DDX11: variants seen among roughly 807,000 people sequenced by gnomAD.
The protein encoded by DDX11 is DEAD/H-box helicase 11, also known as ATP-dependent DNA helicase DDX11.
DDX11 carries 72 observed loss-of-function variants against 125.2 expected under a neutral mutation model. That is an observed-to-expected ratio of 0.58 (90% CI 0.48 to 0.70). The LOEUF is 0.70. DDX11 is among the 30% of genes least tolerant of loss of function. The pLI is 0.00. For missense variants in DDX11, 883 were observed against 1,165.0 expected (o/e 0.76, Z 3.52); for synonymous variants, 347 against 452.6 (o/e 0.77, Z 2.96).
chr12:31,099,082 TTC>T (rs1421620907), intron 18 of DDX11, among the ~76,000 whole-genome samples: 21 of 97,822 alleles, frequency 2.1e-4, no homozygotes, highest in East Asian at 1.7e-3. Flanking sequence ...CTTTCTTTCT[TTC>T]TTTTTTTTTT....
At position 31,099,080 on chromosome 12, in the gene DDX11, C is replaced by CTTTTTTTTTTTT. The variant is rs1467965765; in HGVS notation, c.1875+1086_1875+1087insTTTTTTTTTTTT. ...AATCCATACTGGTATTTCTTTCTTTCTTTCTTTTTTTTTTTTTTTTTTTTT... is the reference window on the plus strand; with the variant it reads ...AATCCATACTGGTATTTCTTTCTTTCTTTTTTTTTTTTTTTCTTTTTTTTTTTTTTTTTTTTT... On this transcript the variant is annotated intron_variant, in intron 18 of 26. Transcript: ENST00000542838. Among the ~76,000 whole-genome samples, 401 of 81,098 alleles carry CTTTTTTTTTTTT rather than the reference C, an allele frequency of 4.9e-3. 34 individuals carry two copies. Among genetic ancestry groups the CTTTTTTTTTTTT allele is most frequent in the Middle Eastern group, 7.2e-3 (1 of 138 alleles). The allele number at this position is 81,098 out of a possible 152,430, so 53.2% of individuals were successfully genotyped here.
chr12:31,103,044 G>A (rs1486336826), intron 24 of DDX11, 24 bp downstream of exon 24: 1 of 1,609,820 alleles, frequency 6.2e-7, no homozygotes, highest in African/African-American at 1.3e-5. Context: ...GTGTCACAGA[G>A]GGTGACAGGA....
At chr12:31,077,540 A>C (rs1337784632) in intron 1 of DDX11, among the ~76,000 whole-genome samples, 1 of 152,018 alleles carries the variant, frequency 6.6e-6, no homozygotes. Context: ...AGCAAACTAA[A>C]GATACTTGTA....
chr12:31,078,560 A>C, intron 2 of DDX11, 23 bp downstream of exon 2: 1 of 1,611,910 alleles, frequency 6.2e-7, no homozygotes, highest in South Asian at 1.1e-5. Context: ...AGTGAGAGAT[A>C]CTGAAAAGGA....
In DDX11 at chr12:31,093,336, G is replaced by T. The variant is rs116263118; in HGVS notation, c.1369+12G>T. ...GGCTGTGCTAGGGGGTGAGAGCCTCGTCCCCCTGCTGACCCCGGGCCTGCA... is the reference window on the plus strand; with the variant it reads ...GGCTGTGCTAGGGGGTGAGAGCCTCTTCCCCCTGCTGACCCCGGGCCTGCA... On this transcript the variant is annotated intron_variant, in intron 12 of 26. Transcript: ENST00000542838. 1.7e-3 allele frequency: 2,794 copies of T among 1,613,772 alleles called. 44 individuals are homozygous for T. In the African/African-American group the frequency reaches 0.032, roughly 19 times the overall value.
At chr12:31,085,308 C>T (rs1314688191) in intron 5 of DDX11, among the ~76,000 whole-genome samples, 182 bp downstream of exon 5, 3 of 152,238 alleles carry the variant, frequency 2.0e-5, no homozygotes, top group Non-Finnish European at 4.4e-5. Flanking sequence ...GGACAGTCAC[C>T]GGCCTGGCCT....
intron 2 of DDX11, among the ~76,000 whole-genome samples, chr12:31,080,391 T>A (rs1158636057): frequency 6.6e-6 from 1 of 152,120 alleles, no homozygotes; most frequent in Non-Finnish European, 1.5e-5. Flanking sequence ...CCTCCAGGGC[T>A]CTCCTAGCTC....
Position 31,101,514 on chromosome 12 carries a change from T to G in DDX11, c.2053-319T>G, listed in dbSNP as rs1946376880. ...GTGCCTGGGGTGTGCAGCCCCTGATTGTCGTTGTGGTGCCCATCAGGACCC... is the reference window on the plus strand; with the variant it reads ...GTGCCTGGGGTGTGCAGCCCCTGATGGTCGTTGTGGTGCCCATCAGGACCC... On this transcript the variant is annotated intron_variant, in intron 20 of 26. Coordinates refer to ENST00000542838, the MANE Select transcript of DDX11 (RefSeq NM_030653.4). The G allele has an allele frequency of 1.0e-5, 5 of 496,182 alleles. No homozygotes were observed. In the Admixed American group the frequency reaches 1.6e-4, roughly 16 times the overall value. 30.7% of individuals were successfully genotyped at this position (496,182 alleles called of 1,614,324 possible).
chr12:31,086,549 G>GCTCCATGAA, intron 5 of DDX11, among the ~76,000 whole-genome samples: 1 of 152,224 alleles, frequency 6.6e-6, no homozygotes, highest in Non-Finnish European at 1.5e-5. Flanking sequence ...AACAGTTTGT[G>GCTCCATGAA]CTCCATGAAC....
In DDX11 at chr12:31,093,186, T is replaced by G. The variant is rs1393539300; in HGVS notation, c.1290-59T>G. ...CCGGGCAGCAAGGCTTCCACTGGGGTGGGCGGGGCGAGTCGCCATCAGGGC... is the reference window on the plus strand; with the variant it reads ...CCGGGCAGCAAGGCTTCCACTGGGGGGGGCGGGGCGAGTCGCCATCAGGGC... On this transcript the variant is annotated intron_variant, in intron 11 of 26. Coordinates refer to ENST00000542838, the MANE Select transcript of DDX11 (RefSeq NM_030653.4). The G allele has an allele frequency of 2.6e-6, 4 of 1,530,094 alleles. No homozygotes were observed. In the African/African-American group the frequency reaches 5.5e-5, roughly 21 times the overall value. The allele number at this position is 1,530,094 out of a possible 1,614,324, so 94.8% of individuals were successfully genotyped here.
rs1046695756 is a variant in DDX11 at position 31,097,929 on chromosome 12, G to A, written c.1807G>A (p.Ala603Thr). 6.2e-7 allele frequency: 1 copy of A among 1,613,690 alleles called. No individual in the cohort carries two copies. Among genetic ancestry groups the A allele is most frequent in the South Asian group, 1.1e-5 (1 of 91,074 alleles). ...CCTGAAGTTTTTGCTCCTGAATCCA[G>A]CTGTGCACTTTGCCCAAGTGGTGAA... The part of the protein sequence containing the change: ...STLKFLLLNP[A>T]VHFAQVVKEC... The change falls in exon 18 of 27, where the codon GCT (alanine) becomes ACT (threonine). Residue 603 changes from alanine to threonine, a missense_variant. Transcript: ENST00000542838.
In DDX11 at chr12:31,085,068, G is replaced by A. The variant is rs376057582; in HGVS notation, c.580G>A (p.Glu194Lys). Residue 194 changes from glutamate to lysine, a missense_variant, in exon 5 of 27, where the codon GAG becomes AAG. Physicochemically the swap from Glu to Lys is moderately conservative, Grantham distance 56. This residue lies in a region of DDX11 where 283 missense variants were observed against 359.6 expected (regional missense o/e 0.79). Transcript: ENST00000542838. Reference sequence around the variant, plus strand: ...GCGGCTGGAGCAGCTGGAGTCTGGGGAGGAGGAGCTGGTCCTCGCCGAATA... The same window carrying A: ...GCGGCTGGAGCAGCTGGAGTCTGGGAAGGAGGAGCTGGTCCTCGCCGAATA... ...AERLEQLESG[E>K]EELVLAEYES... 1 of 1,604,532 alleles carries A rather than the reference G, an allele frequency of 6.2e-7. No homozygotes were observed. The highest frequency in any genetic ancestry group is 8.5e-7 in the Non-Finnish European group (1 of 1,175,198).
Position 31,083,835 on chromosome 12 carries a change from G to C in DDX11, c.167G>C (p.Cys56Ser). 6.2e-7 allele frequency: 1 copy of C among 1,612,160 alleles called. No homozygotes were observed. Among genetic ancestry groups the C allele is most frequent in the Non-Finnish European group, 8.5e-7 (1 of 1,179,842 alleles). ...TGTGKSLSLICGALSWLRDFE... is the reference protein window; with the variant it reads ...TGTGKSLSLISGALSWLRDFE... ...CAGGGGAAGTCCTTAAGTCTTATTT[G>C]TGGGGCCCTCTCTTGGCTCCGTGAC... Residue 56 changes from cysteine to serine, a missense_variant, in exon 3 of 27, where the codon TGT becomes TCT. Physicochemically the swap from Cys to Ser is moderately radical, Grantham distance 112 (BLOSUM62 -1). Transcript: ENST00000542838.
intron 11 of DDX11, 68 bp downstream of exon 11, chr12:31,092,960 C>T (rs559233157): frequency 6.3e-7 from 1 of 1,589,988 alleles, no homozygotes; most frequent in East Asian, 2.2e-5. Flanking sequence ...CTCTGAGAGG[C>T]AGGCAGCACT....
At chr12:31,086,711 T>G (rs1943225502) in intron 5 of DDX11, among the ~76,000 whole-genome samples, 1 of 151,430 alleles carries the variant, frequency 6.6e-6, no homozygotes, top group Non-Finnish European at 1.5e-5. Context: ...CCATGGATCC[T>G]GTAGGTCAGC....
At chr12:31,101,193 C>CA in intron 20 of DDX11, 63 bp downstream of exon 20, 1 of 1,441,348 alleles carries the variant, frequency 6.9e-7, no homozygotes, top group Non-Finnish European at 9.8e-7. Context: ...TTTTCTGGGG[C>CA]AGGGGCGCTC....
Position 31,082,953 on chromosome 12 carries a change from C to T in DDX11, c.145-860C>T, listed in dbSNP as rs540331748. Among the ~76,000 whole-genome samples the T allele has an allele frequency of 1.4e-4, 21 of 152,282 alleles. No homozygotes were observed. In the South Asian group the frequency reaches 4.3e-3, roughly 32 times the overall value. On this transcript the variant is annotated intron_variant, in intron 2 of 26. Coordinates refer to ENST00000542838, the MANE Select transcript of DDX11 (RefSeq NM_030653.4). ...TGTCTGCATCCACGTGTCCCCTTTC[C>T]AATAAGGATATTAGCCCTTTAGGCT... is the stretch of plus-strand genomic sequence containing the variant.
At chr12:31,090,630 A>G (rs1290389340) in intron 9 of DDX11, among the ~76,000 whole-genome samples, 2 of 152,392 alleles carry the variant, frequency 1.3e-5, no homozygotes, top group East Asian at 1.9e-4. Flanking sequence ...CTGCTAATGT[A>G]GCAGATCAAA....
chr12:31,078,679 C>G (rs2140409787), intron 2 of DDX11, 142 bp downstream of exon 2: 1 of 1,149,722 alleles, frequency 8.7e-7, no homozygotes, highest in East Asian at 2.6e-5. Context: ...GTCACTTCCT[C>G]TATTAAAGTC....
Sources: gnomAD v4.1 joint callset for allele counts (sites outside exome capture counted in the v4.1 genomes callset) on GRCh38, gnomAD v4.1.1 for gene constraint, gnomAD v4.1.1 regional missense constraint, MANE v1.5 for transcripts, NCBI Gene and HGNC (gene_info 2026-07-23, HGNC 2026-07-21) for gene names.